CSTF2: variants seen among roughly 807,000 people sequenced by gnomAD.
CSTF2 encodes the protein CF-1 64 kDa subunit.
In CSTF2, 8 loss-of-function variants were observed where a neutral mutation model predicts 45.4. The observed-to-expected ratio is 0.18, with a 90% CI of 0.10 to 0.32. The LOEUF is 0.32. Ranked by LOEUF, CSTF2 falls within the 10% of genes least tolerant of loss-of-function variation. The pLI, the probability that CSTF2 is intolerant of heterozygous loss-of-function variation, is 1.00. For synonymous variants in CSTF2, 155 were observed against 158.9 expected (o/e 0.98, Z 0.18); for missense variants, 253 against 477.1 (o/e 0.53, Z 4.38).
intron 12 of CSTF2, 151 bp from the exon 13 acceptor site, chrX:100,838,088 C>T (rs755473901): frequency 1.1e-5 from 5 of 474,798 alleles, no homozygotes; most frequent in African/African-American, 1.0e-4. Context: ...TGGTTTTTTT[C>T]TGTGTGAAAT....
intron 1 of CSTF2, chrX:100,820,766 C>T (rs1853064077): frequency 4.6e-6 from 2 of 431,354 alleles, no homozygotes; most frequent in African/African-American, 2.4e-5. Flanking sequence ...GGTAACAGCT[C>T]CTCACTGTCC....
At chrX:100,840,105 T>TA (rs1469119196) in intron 13 of CSTF2, among the ~76,000 whole-genome samples, 1 of 111,894 alleles carries the variant, frequency 8.9e-6, no homozygotes, top group Non-Finnish European at 1.9e-5. Context: ...TTCACCATTT[T>TA]AAAAAAACTA....
chrX:100,823,808 T>C, intron 4 of CSTF2, 78 bp from the exon 5 acceptor site: 6 of 1,066,406 alleles, frequency 5.6e-6, no homozygotes, highest in Non-Finnish European at 7.6e-6. Flanking sequence ...ATATTACATT[T>C]CTCAGAGGGG....
chrX:100,823,595 T>C (rs2084929842), intron 4 of CSTF2, among the ~76,000 whole-genome samples, 167 bp downstream of exon 4: 1 of 112,922 alleles, frequency 8.9e-6, no homozygotes, highest in African/African-American at 3.2e-5. Flanking sequence ...TACAAAGAGC[T>C]TTCTATTTTT....
intron 4 of CSTF2, among the ~76,000 whole-genome samples, chrX:100,823,640 G>T (rs760100642): frequency 8.9e-6 from 1 of 112,310 alleles, no homozygotes; most frequent in South Asian, 3.7e-4. Flanking sequence ...AATCCAGCTG[G>T]AGTTTTGTGG....
Position 100,837,451 on chromosome X carries a change from T to C in CSTF2, c.1611+2T>C. ...GTCACTCCACAGGATCATGAGAAGG[T>C]AAGCAACACTGTCTGACTGCCTCCT... On this transcript the variant is annotated splice_donor_variant, in intron 12 of 13. Coordinates refer to ENST00000372972, the MANE Select transcript of CSTF2 (RefSeq NM_001325.3). LOFTEE classifies it high-confidence loss of function. 1 of 1,142,988 alleles carries C rather than the reference T, an allele frequency of 8.7e-7. No individual in the cohort carries two copies. Among genetic ancestry groups the C allele is most frequent in the Non-Finnish European group, 1.2e-6 (1 of 835,208 alleles). 94.2% of individuals were successfully genotyped at this position (1,142,988 alleles called of 1,213,427 possible).
chrX:100,837,479 T>C (rs1306532285), intron 12 of CSTF2, 30 bp downstream of exon 12: 8 of 994,373 alleles, frequency 8.0e-6, no homozygotes, highest in African/African-American at 3.8e-5. Context: ...TGCCTCCTTA[T>C]GCACAATTCT....
In CSTF2 at chrX:100,835,831, G is replaced by A. The variant is rs147500153; in HGVS notation, c.1501-1508G>A. ...GCACACCTAGAAACTTAAAATGGCC[G>A]TTATTGAGTGGTTAGATCACAATTA... On this transcript the variant is annotated intron_variant, in intron 11 of 13. Transcript: ENST00000372972. 5.7e-3 allele frequency among the ~76,000 whole-genome samples: 635 copies of A among 111,205 alleles called. 3 individuals carry two copies. The highest frequency in any genetic ancestry group is 0.019 in the African/African-American group (590 of 30,553).
Position 100,830,709 on chromosome X carries a change from T to C in CSTF2, c.890-806T>C, listed in dbSNP as rs149987138. On this transcript the variant is annotated intron_variant, in intron 8 of 13. Transcript: ENST00000372972. ...TGAACTCTTGGCTTTTTAACTTATA[T>C]ATGTAAATCTCAATCTCCATGTGTG... 238 of 639,355 alleles carry C rather than the reference T, an allele frequency of 3.7e-4. 2 individuals are homozygous for C. In the African/African-American group the frequency reaches 4.9e-3, roughly 13 times the overall value. The allele number at this position is 639,355 out of a possible 1,213,427, so 52.7% of individuals were successfully genotyped here.
chrX:100,820,555 G>T lies in CSTF2; in HGVS notation c.58+81G>T, dbSNP rs1273774570. ...TATCTCATGAATCGCTACCGGAGCC[G>T]CTGACGGTTCGGACGTGCAGTTCTC... On this transcript the variant is annotated intron_variant, in intron 1 of 13. Transcript: ENST00000372972. 12 of 1,039,219 alleles carry T rather than the reference G, an allele frequency of 1.2e-5. No homozygotes were observed. In the East Asian group the frequency reaches 3.3e-4, roughly 29 times the overall value. The allele number at this position is 1,039,219 out of a possible 1,213,427, so 85.6% of individuals were successfully genotyped here. A position where few individuals can be genotyped will look rare whatever the true frequency, so the allele number is the denominator to read the frequency against.
Position 100,832,854 on chromosome X carries a change from G to T in CSTF2, c.1152G>T (p.Met384Ile). ...CATTACCCGAGCCCAGACCTCTAATGGCAGAACCAAGAGGACCCATGCTAG... is the reference window on the plus strand; with the variant it reads ...CATTACCCGAGCCCAGACCTCTAATTGCAGAACCAAGAGGACCCATGCTAG... The part of the protein sequence containing the change: ...GGPLPEPRPL[M>I]AEPRGPMLDQ... Residue 384 changes from methionine to isoleucine, a missense_variant, in exon 10 of 14, where the codon ATG becomes ATT. Met to Ile is a conservative substitution (Grantham distance 10). Around this residue, in one of 3 missense-constraint regions of CSTF2, gnomAD observed 200 missense variants for 294.0 expected, o/e 0.68. Coordinates refer to ENST00000372972, the MANE Select transcript of CSTF2 (RefSeq NM_001325.3). 1 of 1,209,086 alleles carries T rather than the reference G, an allele frequency of 8.3e-7. No homozygotes were observed. The highest frequency in any genetic ancestry group is 1.1e-6 in the Non-Finnish European group (1 of 894,005).
intron 3 of CSTF2, chrX:100,822,662 G>A: frequency 2.5e-6 from 1 of 398,613 alleles, no homozygotes; most frequent in Non-Finnish European, 4.5e-6. Flanking sequence ...ATGGAGCAGG[G>A]CAAGGCCTCA....
chrX:100,839,529 C>T (rs949388752), intron 13 of CSTF2, among the ~76,000 whole-genome samples: 3 of 111,007 alleles, frequency 2.7e-5, no homozygotes, highest in African/African-American at 9.8e-5. Flanking sequence ...TAATAATTAC[C>T]ACTCTTACAA....
chrX:100,840,119 T>C (rs1471055706), intron 13 of CSTF2, among the ~76,000 whole-genome samples: 1 of 111,833 alleles, frequency 8.9e-6, no homozygotes, highest in African/African-American at 3.3e-5. Context: ...AAAACTATCA[T>C]GATTTGTGTA....
chrX:100,821,891 C>T (rs999470744), intron 2 of CSTF2, among the ~76,000 whole-genome samples: 60 of 111,342 alleles, frequency 5.4e-4, no homozygotes, highest in African/African-American at 2.0e-3. Flanking sequence ...GTCAGGAGTT[C>T]GAGACCAGCC....
In CSTF2 at chrX:100,826,655, G is replaced by A. The variant is rs774019903; in HGVS notation, c.724G>A (p.Ala242Thr). 9.1e-6 allele frequency: 11 copies of A among 1,207,906 alleles called. No homozygotes were observed. Among genetic ancestry groups the A allele is most frequent in the Middle Eastern group, 2.4e-4 (1 of 4,101 alleles). ...QSLGGMHVNG[A>T]PPLMQASMQG... Reference sequence around the variant, plus strand: ...TCAGGGTGGAATGCATGTCAATGGCGCACCTCCTCTGATGCAAGCTTCTAT... The same window carrying A: ...TCAGGGTGGAATGCATGTCAATGGCACACCTCCTCTGATGCAAGCTTCTAT... The change falls in exon 7 of 14, where the codon GCA becomes ACA. Residue 242 changes from alanine to threonine, a missense_variant. Coordinates refer to ENST00000372972, the MANE Select transcript of CSTF2 (RefSeq NM_001325.3).
chrX:100,836,334 C>T (rs1006202798), intron 11 of CSTF2, among the ~76,000 whole-genome samples: 6 of 112,013 alleles, frequency 5.4e-5, no homozygotes, highest in Non-Finnish European at 1.1e-4. Context: ...TTGTCTATAC[C>T]GTAATATAAA....
At position 100,840,956 on chromosome X, in the gene CSTF2, G is replaced by A. The variant is rs955406730; in HGVS notation, c.*246G>A. The A allele has an allele frequency of 2.0e-4, 22 of 111,910 alleles. No individual in the cohort carries two copies. Among genetic ancestry groups the A allele is most frequent in the African/African-American group, 6.2e-4 (19 of 30,801 alleles). The allele number at this position is 111,910 out of a possible 1,213,427, so 9.2% of individuals were successfully genotyped here. ...GCAAATTGATACACATGACCTTTTT[G>A]CTTTTAAAAAGCTTAACACTAAGGG... On this transcript the variant is annotated 3_prime_UTR_variant, in exon 14 of 14. Transcript: ENST00000372972.
chrX:100,840,559 G>A (rs1413885257), intron 13 of CSTF2, among the ~76,000 whole-genome samples, 155 bp from the exon 14 acceptor site: 5 of 111,539 alleles, frequency 4.5e-5, no homozygotes, highest in African/African-American at 1.6e-4. Flanking sequence ...TGAGGAGTCA[G>A]GAGGCAGGAG....
Sources: allele counts gnomAD v4.1 joint callset (sites outside exome capture counted in the v4.1 genomes callset), GRCh38; gene constraint gnomAD v4.1.1; regional missense constraint gnomAD v4.1.1; transcripts MANE v1.5; gene names NCBI Gene and HGNC (gene_info 2026-07-23, HGNC 2026-07-21).